Variants in PRTG observed in about 807,000 individuals in gnomAD.
The protein encoded by PRTG is protogenin, also known as immunoglobulin superfamily, DCC subclass, member 5.
In PRTG, 67 loss-of-function variants were observed where a neutral mutation model predicts 122.5. The ratio of observed to expected loss-of-function variants is 0.55; its 90% CI spans 0.45 to 0.67. The LOEUF is 0.67. Among genes scored for constraint, PRTG ranks in the 30% least tolerant of loss-of-function variants. The pLI is 0.00. For missense variants in PRTG, 1,435 were observed against 1,415.4 expected, an observed-to-expected ratio of 1.01 and a Z score of -0.22; for synonymous variants, 554 against 501.1, an observed-to-expected ratio of 1.11 and a Z score of -1.41.
intron 2 of PRTG, among the ~76,000 whole-genome samples, chr15:55,717,710 G>C (rs2030649248): frequency 6.6e-6 from 1 of 152,080 alleles, no homozygotes; most frequent in Non-Finnish European, 1.5e-5. Flanking sequence ...TGTTTTACTT[G>C]CTTTATGTAT....
At chr15:55,718,153 T>C (rs1264398763) in intron 2 of PRTG, among the ~76,000 whole-genome samples, 1 of 152,096 alleles carries the variant, frequency 6.6e-6, no homozygotes, top group Non-Finnish European at 1.5e-5. Flanking sequence ...AAAACCTAAA[T>C]GCCTTATTTT....
rs1567068763 is a variant in PRTG, at chr15:55,615,169, C to T, written c.*4843G>A. On this transcript the variant is annotated 3_prime_UTR_variant, in exon 20 of 20. Coordinates refer to ENST00000389286, the MANE Select transcript of PRTG (RefSeq NM_173814.6). ...AGGAGGGGTTCCCAGCCTTAAAAAACTAGAAAAGGAAATAGATTTTTCCCT... is the reference window on the plus strand; with the variant it reads ...AGGAGGGGTTCCCAGCCTTAAAAAATTAGAAAAGGAAATAGATTTTTCCCT... 3 of 152,000 alleles carry T rather than the reference C, an allele frequency of 2.0e-5. No homozygotes were observed. Among genetic ancestry groups the T allele is most frequent in the Non-Finnish European group, 4.4e-5 (3 of 67,938 alleles). 9.4% of individuals were successfully genotyped at this position (152,000 alleles called of 1,614,324 possible).
At chr15:55,662,835 T>A (rs923155895) in intron 11 of PRTG, among the ~76,000 whole-genome samples, 2 of 152,188 alleles carry the variant, frequency 1.3e-5, no homozygotes, top group Non-Finnish European at 2.9e-5. Flanking sequence ...AGTCTGATAA[T>A]CTCTTTCAAA....
At position 55,612,909 on chromosome 15, in the gene PRTG, G is replaced by A. The variant is rs1027738384; in HGVS notation, c.*7103C>T. ...TCTATTGGTTTTGTGTATGCGTACG[G>A]GAGATGCAAACATTTTTCATTTCAA... On this transcript the variant is annotated 3_prime_UTR_variant, in exon 20 of 20. Transcript: ENST00000389286. 1 of 151,444 alleles carries A rather than the reference G, an allele frequency of 6.6e-6. No homozygotes were observed. The highest frequency in any genetic ancestry group is 1.5e-5 in the Non-Finnish European group (1 of 67,854). 9.4% of individuals were successfully genotyped at this position (151,444 alleles called of 1,614,324 possible).
intron 2 of PRTG, among the ~76,000 whole-genome samples, chr15:55,686,128 G>T (rs180762632): frequency 2.0e-5 from 3 of 152,190 alleles, no homozygotes; most frequent in African/African-American, 7.2e-5. Flanking sequence ...CAATAATCAG[G>T]TAAGTTTGTC....
At chr15:55,729,856 G>A (rs1014924011) in intron 2 of PRTG, among the ~76,000 whole-genome samples, 3 of 152,094 alleles carry the variant, frequency 2.0e-5, no homozygotes, top group Admixed American at 6.6e-5. Context: ...TTGGACAGAT[G>A]TATCAACAAA....
Position 55,628,797 on chromosome 15 carries a change from A to T in PRTG, c.2806+25T>A, listed in dbSNP as rs747748246. On this transcript the variant is annotated intron_variant, in intron 16 of 19. Coordinates refer to ENST00000389286, the MANE Select transcript of PRTG (RefSeq NM_173814.6). Reference sequence around the variant, plus strand: ...AACACTTTTTTTCTTAAGAAAAATCACAGTGACTACGGCAGTATACAGACC... The same window carrying T: ...AACACTTTTTTTCTTAAGAAAAATCTCAGTGACTACGGCAGTATACAGACC... 6 of 1,548,880 alleles carry T rather than the reference A, an allele frequency of 3.9e-6. No homozygotes were observed. In the East Asian group the frequency reaches 1.4e-4, roughly 35 times the overall value.
rs779991133 is a variant in PRTG, at chr15:55,673,625, A to G, written c.1598T>C (p.Ile533Thr). 9 of 1,614,118 alleles carry G rather than the reference A, an allele frequency of 5.6e-6. No homozygotes were observed. The Admixed American group carries it at 6.7e-5, about 12-fold the overall frequency. The part of the protein sequence containing the change: ...ISLTSRSPTD[I>T]LISWLPIPAK... ...TGGGATTGGCAGCCAGGAGATGAGA[A>G]TATCAGTGGGACTTCGACTTGTCAA... The change falls in exon 10 of 20, where the codon ATT becomes ACT. Residue 533 changes from isoleucine (I) to threonine (T), a missense_variant. Ile to Thr is a moderately conservative substitution (Grantham distance 89). Coordinates refer to ENST00000389286, the MANE Select transcript of PRTG (RefSeq NM_173814.6).
At chr15:55,705,328 T>C (rs1418720696) in intron 2 of PRTG, among the ~76,000 whole-genome samples, 1 of 152,194 alleles carries the variant, frequency 6.6e-6, no homozygotes. Context: ...TCCAATTTTC[T>C]CTGCTTTAAA....
rs1227127576 is a variant in PRTG, at chr15:55,730,704, G to A, written c.397+9678C>T. Among the ~76,000 whole-genome samples, 2 of 152,098 alleles carry A rather than the reference G, an allele frequency of 1.3e-5. 1 individual carries two copies. Among genetic ancestry groups the A allele is most frequent in the Non-Finnish European group, 2.9e-5 (2 of 68,034 alleles). On this transcript the variant is annotated intron_variant, in intron 2 of 19. Coordinates refer to ENST00000389286, the MANE Select transcript of PRTG (RefSeq NM_173814.6). ...AGTCCCAGCTACTTGGGAGGCTGAG[G>A]CAGGAGAATGGCATGCACCCGGGAG...
At chr15:55,698,964 G>GAAAAC (rs906180787) in intron 2 of PRTG, among the ~76,000 whole-genome samples, 6 of 152,048 alleles carry the variant, frequency 3.9e-5, no homozygotes, top group African/African-American at 4.8e-5. Context: ...GACTAGTCTA[G>GAAAAC]AAAACAAAAC....
chr15:55,676,034 G>A (rs571678426), intron 8 of PRTG, among the ~76,000 whole-genome samples: 8 of 152,082 alleles, frequency 5.3e-5, no homozygotes, highest in African/African-American at 1.9e-4. Flanking sequence ...AACTTTACTT[G>A]CTTCAACTCA....
At chr15:55,677,121 G>A (rs938870098) in intron 8 of PRTG, among the ~76,000 whole-genome samples, 1 of 152,058 alleles carries the variant, frequency 6.6e-6, no homozygotes, top group African/African-American at 2.4e-5. Context: ...TTTATCAGTA[G>A]TTTCTCTTTT....
chr15:55,692,903 C>T (rs2059612167), intron 2 of PRTG, among the ~76,000 whole-genome samples: 3 of 128,180 alleles, frequency 2.3e-5, no homozygotes, highest in East Asian at 2.6e-4. Flanking sequence ...TGCAGTCGTG[C>T]GATCTCAGCT....
Position 55,673,482 on chromosome 15 carries a change from G to A in PRTG, c.1741C>T (p.Leu581=). 1 of 1,614,156 alleles carries A rather than the reference G, an allele frequency of 6.2e-7. No homozygotes were observed. Among genetic ancestry groups the A allele is most frequent in the Non-Finnish European group, 8.5e-7 (1 of 1,180,020 alleles). ...ACCAGGTAGACACTGTCAGGTTTCA[G>A]GCCTTCCAAAAGGTACTCATGCGTG... ...GTTHEYLLEG[L]KPDSVYLVRI... Residue 581 remains leucine, a synonymous_variant, in exon 10 of 20, where the codon CTG becomes TTG. Transcript: ENST00000389286.
chr15:55,677,891 G>A lies in PRTG; in HGVS notation c.1287C>T (p.Thr429=), dbSNP rs1289952443. ...PSAPYNVHAE[T]MSSSAILLAW... ...CTAAAAGAATGGCTGAGCTTGACAT[G>A]GTTTCAGCATGTACATTATAGGGAG... The change falls in exon 8 of 20, where the codon ACC becomes ACT. Residue 429 remains threonine (T), a synonymous_variant. Coordinates refer to ENST00000389286, the MANE Select transcript of PRTG (RefSeq NM_173814.6). 3 of 1,613,788 alleles carry A rather than the reference G, an allele frequency of 1.9e-6. No homozygotes were observed. The highest frequency in any genetic ancestry group is 4.5e-5 in the East Asian group (2 of 44,848).
chr15:55,659,654 A>T (rs2059398557), intron 11 of PRTG, among the ~76,000 whole-genome samples: 1 of 152,106 alleles, frequency 6.6e-6, no homozygotes, highest in East Asian at 1.9e-4. Context: ...GGCCGGGCGC[A>T]GTGGTTCACG....
chr15:55,678,801 C>A (rs1391751511), intron 7 of PRTG, among the ~76,000 whole-genome samples: 1 of 151,996 alleles, frequency 6.6e-6, no homozygotes, highest in Non-Finnish European at 1.5e-5. Context: ...GAATTCAGGT[C>A]AACAAAAATT....
Position 55,613,759 on chromosome 15 carries a change from CT to C in PRTG, c.*6252del, listed in dbSNP as rs61634198. ...ACTATGACCCTGGGTGATTAAATAC[CT>C]TTTTTTTTTTTTTTTTTTTTTAAGC... On this transcript the variant is annotated 3_prime_UTR_variant, in exon 20 of 20. Transcript: ENST00000389286. 2,797 of 120,484 alleles carry C rather than the reference CT, an allele frequency of 0.023. 73 individuals carry two copies. Among genetic ancestry groups the C allele is most frequent in the African/African-American group, 0.074 (2,391 of 32,354 alleles). The allele number at this position is 120,484 out of a possible 1,614,324, so 7.5% of individuals were successfully genotyped here.
Sources: allele counts gnomAD v4.1 joint callset (sites outside exome capture counted in the v4.1 genomes callset), GRCh38; gene constraint gnomAD v4.1.1; transcripts MANE v1.5; gene names NCBI Gene and HGNC (gene_info 2026-07-23, HGNC 2026-07-21).